The following PHACTR1 variants were observed in gnomAD, a reference collection of about 807,000 sequenced individuals.
PHACTR1 encodes RPEL repeat containing 1.
PHACTR1 carries 16 observed loss-of-function variants against 69.2 expected under a neutral mutation model. The ratio of observed to expected loss-of-function variants is 0.23; its 90% CI spans 0.16 to 0.35. The LOEUF is 0.35. Ranked by LOEUF, PHACTR1 falls within the 10% of genes least tolerant of loss-of-function variation. PHACTR1 has a pLI of 1.00. For missense variants in PHACTR1, 510 were observed against 734.7 expected (o/e 0.69, Z 3.54); for synonymous variants, 312 against 284.5 (o/e 1.10, Z -0.97).
chr6:13,196,890 T>A (rs1346667286), intron 7 of PHACTR1, among the ~76,000 whole-genome samples: 1 of 152,210 alleles, frequency 6.6e-6, no homozygotes, highest in Non-Finnish European at 1.5e-5. Context: ...CACTTTCCAA[T>A]CACCTCTGCT....
intron 4 of PHACTR1, among the ~76,000 whole-genome samples, chr6:12,865,599 A>C (rs1345252082): frequency 6.6e-6 from 1 of 152,148 alleles, no homozygotes; most frequent in Non-Finnish European, 1.5e-5. Flanking sequence ...TGGCGTGCTC[A>C]GTAGTCTGAA....
intron 3 of PHACTR1, among the ~76,000 whole-genome samples, chr6:12,747,657 T>C (rs1187701503): frequency 2.0e-5 from 3 of 152,046 alleles, no homozygotes; most frequent in East Asian, 3.9e-4. Context: ...CAAACAAAAC[T>C]TGCTGAAAAT....
chr6:12,735,548 T>C (rs1764130346), intron 3 of PHACTR1, among the ~76,000 whole-genome samples: 1 of 152,208 alleles, frequency 6.6e-6, no homozygotes, highest in African/African-American at 2.4e-5. Flanking sequence ...TCTCACATCA[T>C]CAAGTGGTTT....
intron 4 of PHACTR1, among the ~76,000 whole-genome samples, chr6:12,759,313 C>G (rs149171950): frequency 6.6e-6 from 1 of 151,974 alleles, no homozygotes; most frequent in Non-Finnish European, 1.5e-5. Flanking sequence ...CCACTCCACT[C>G]TAATATATTT....
chr6:12,737,802 T>G (rs763382271), intron 3 of PHACTR1, among the ~76,000 whole-genome samples: 1 of 152,072 alleles, frequency 6.6e-6, no homozygotes, highest in Non-Finnish European at 1.5e-5. Flanking sequence ...CATTATGTTG[T>G]ACAGGCTGGT....
intron 4 of PHACTR1, among the ~76,000 whole-genome samples, chr6:12,808,005 C>A (rs549620900): frequency 1.7e-4 from 26 of 152,264 alleles, no homozygotes; most frequent in African/African-American, 6.3e-4. Flanking sequence ...TAAGTGTAAT[C>A]TAGAGATTGA....
intron 4 of PHACTR1, among the ~76,000 whole-genome samples, chr6:13,020,074 A>G (rs1800746376): frequency 6.6e-6 from 1 of 152,170 alleles, no homozygotes; most frequent in African/African-American, 2.4e-5. Context: ...AGCCAGAGAG[A>G]GGGGCACAGG....
intron 4 of PHACTR1, among the ~76,000 whole-genome samples, chr6:12,984,771 GT>G (rs1319896775): frequency 8.5e-6 from 1 of 117,504 alleles, no homozygotes; most frequent in Non-Finnish European, 1.7e-5. Context: ...CAACCGAGCA[GT>G]TTGTTTCATA....
chr6:13,287,318 G>A lies in PHACTR1; in HGVS notation c.*240G>A, dbSNP rs936827128. On this transcript the variant is annotated 3_prime_UTR_variant, in exon 15 of 15. Coordinates refer to ENST00000332995, the MANE Select transcript of PHACTR1 (RefSeq NM_030948.6). ...ACACCAAAATGCATCCCAACCCCCG[G>A]CAGTGCCAAGGGCACCAGCAGGGCC... 3 of 550,730 alleles carry A rather than the reference G, an allele frequency of 5.4e-6. No individual in the cohort carries two copies. Among genetic ancestry groups the A allele is most frequent in the Non-Finnish European group, 9.6e-6 (3 of 311,664 alleles). 34.1% of individuals were successfully genotyped at this position (550,730 alleles called of 1,614,324 possible). A position where few individuals can be genotyped will look rare whatever the true frequency, so the allele number is the denominator to read the frequency against.
At chr6:12,857,180 G>C (rs916787492) in intron 4 of PHACTR1, among the ~76,000 whole-genome samples, 7 of 152,058 alleles carry the variant, frequency 4.6e-5, no homozygotes, top group African/African-American at 1.7e-4. Context: ...TTTCCTATGA[G>C]GTGTTTTCTG....
rs1778798162 is a variant in PHACTR1 at position 13,275,921 on chromosome 6, T to C, written c.1448-2347T>C. On this transcript the variant is annotated intron_variant, in intron 11 of 14. Coordinates refer to ENST00000332995, the MANE Select transcript of PHACTR1 (RefSeq NM_030948.6). This position sits in a 1 kb window ranked among gnomAD's most constrained non-coding sequence, Gnocchi z 4.0. ...TCCCCATTTAACTCTGCTAGATTAA[T>C]TCATACTAAGATATTAATGGCTGAC... 6.6e-6 allele frequency: 1 copy of C among 152,204 alleles called. No individual in the cohort carries two copies. The highest frequency in any genetic ancestry group is 1.5e-5 in the Non-Finnish European group (1 of 68,032). 9.4% of individuals were successfully genotyped at this position (152,204 alleles called of 1,614,324 possible).
At chr6:13,134,887 A>G (rs1173504083) in intron 5 of PHACTR1, among the ~76,000 whole-genome samples, 2 of 152,104 alleles carry the variant, frequency 1.3e-5, no homozygotes, top group South Asian at 2.1e-4. Flanking sequence ...AAACTGAGAT[A>G]TAGAGTACTT....
intron 4 of PHACTR1, among the ~76,000 whole-genome samples, chr6:13,028,791 G>T (rs1240429628): frequency 6.6e-6 from 1 of 152,204 alleles, no homozygotes; most frequent in Non-Finnish European, 1.5e-5. Flanking sequence ...TGAGTTGAGA[G>T]CCACTGAATA....
intron 4 of PHACTR1, among the ~76,000 whole-genome samples, chr6:12,938,676 T>C (rs996661740): frequency 6.6e-6 from 1 of 152,068 alleles, no homozygotes; most frequent in African/African-American, 2.4e-5. Flanking sequence ...TATCCCTCAC[T>C]CCCAAAAGCT....
chr6:12,972,936 C>A lies in PHACTR1; in HGVS notation c.251-80429C>A, dbSNP rs138446844. On this transcript the variant is annotated intron_variant, in intron 4 of 14. Transcript: ENST00000332995. ...AAAGTGTTGGGATTACAGACGTGAGCCACCGCGGCTGGCCTATATCACTCT... is the reference window on the plus strand; with the variant it reads ...AAAGTGTTGGGATTACAGACGTGAGACACCGCGGCTGGCCTATATCACTCT... Among the ~76,000 whole-genome samples, 1,244 of 152,264 alleles carry A rather than the reference C, an allele frequency of 8.2e-3. 17 individuals carry two copies. Among genetic ancestry groups the A allele is most frequent in the African/African-American group, 0.029 (1,184 of 41,536 alleles).
intron 4 of PHACTR1, among the ~76,000 whole-genome samples, chr6:12,987,505 T>G (rs1037068693): frequency 1.3e-5 from 2 of 152,272 alleles, no homozygotes; most frequent in Non-Finnish European, 2.9e-5. Flanking sequence ...TTGGAAATAA[T>G]GAGAGCTGGG....
chr6:13,218,472 A>C (rs1310402714), intron 8 of PHACTR1, among the ~76,000 whole-genome samples: 1 of 152,244 alleles, frequency 6.6e-6, no homozygotes, highest in East Asian at 1.9e-4. Flanking sequence ...ACCCTTATCC[A>C]GTAATGAACA....
intron 3 of PHACTR1, among the ~76,000 whole-genome samples, chr6:12,748,240 T>C (rs922734272): frequency 6.6e-6 from 1 of 152,120 alleles, no homozygotes. Flanking sequence ...AAATGAGTAG[T>C]TACTATGCAC....
At chr6:13,218,775 A>T (rs1230595343) in intron 8 of PHACTR1, among the ~76,000 whole-genome samples, 2 of 150,128 alleles carry the variant, frequency 1.3e-5, no homozygotes, top group Admixed American at 1.3e-4. Flanking sequence ...GCTATTTAAA[A>T]AGAAGAAGAA....
Sources: gnomAD v4.1 joint callset for allele counts (sites outside exome capture counted in the v4.1 genomes callset) on GRCh38, gnomAD v4.1.1 for gene constraint, Gnocchi (gnomAD v3.1) non-coding constraint, MANE v1.5 for transcripts, NCBI Gene and HGNC (gene_info 2026-07-23, HGNC 2026-07-21) for gene names.